Variants in FUT9 observed in about 807,000 individuals in gnomAD.
FUT9 encodes 4-galactosyl-N-acetylglucosaminide 3-alpha-L-fucosyltransferase 9.
In FUT9, 15 loss-of-function variants were observed where a neutral mutation model predicts 29.7. The observed-to-expected ratio is 0.51, with a 90% CI of 0.34 to 0.78. FUT9 has a LOEUF of 0.78. Ranked by LOEUF, FUT9 falls within the 30% of genes least tolerant of loss-of-function variation. The pLI, the probability that FUT9 is intolerant of heterozygous loss-of-function variation, is 0.01. For missense variants in FUT9, 319 were observed against 425.4 expected, an observed-to-expected ratio of 0.75 and a Z score of 2.20; for synonymous variants, 169 against 153.7, an observed-to-expected ratio of 1.10 and a Z score of -0.74.
intron 1 of FUT9, among the ~76,000 whole-genome samples, chr6:96,055,692 GT>G (rs1221666990): frequency 7.4e-6 from 1 of 135,818 alleles, no homozygotes; most frequent in Non-Finnish European, 1.6e-5. Flanking sequence ...TTTTGTTTTT[GT>G]TTTCTATTTC....
At chr6:96,102,559 G>C (rs1024870379) in intron 1 of FUT9, among the ~76,000 whole-genome samples, 7 of 152,078 alleles carry the variant, frequency 4.6e-5, no homozygotes, top group African/African-American at 1.7e-4. Context: ...TGGGCCATGA[G>C]TTCACTTTTG....
At chr6:96,180,098 T>C (rs1486423557) in intron 2 of FUT9, among the ~76,000 whole-genome samples, 2 of 152,152 alleles carry the variant, frequency 1.3e-5, no homozygotes, top group Non-Finnish European at 2.9e-5. Context: ...AGTTTATTAT[T>C]GCTACTGCTT....
intron 1 of FUT9, among the ~76,000 whole-genome samples, chr6:96,027,370 G>A (rs537675022): frequency 1.2e-3 from 181 of 151,742 alleles, no homozygotes; most frequent in Non-Finnish European, 2.2e-3. Flanking sequence ...GAGGTAGACT[G>A]AAGATGAATA....
rs1029105339 is a variant in FUT9, at chr6:96,204,417, G to A, written c.*182G>A. ...CTCAGCATGAGCAATCATTCCATTC[G>A]GTTTTAAATTATCCTGTATATACCT... On this transcript the variant is annotated 3_prime_UTR_variant, in exon 3 of 3. Transcript: ENST00000302103. The A allele has an allele frequency of 6.5e-5, 27 of 416,600 alleles. No individual in the cohort carries two copies. The highest frequency in any genetic ancestry group is 2.9e-4 in the African/African-American group (14 of 48,636). 25.8% of individuals were successfully genotyped at this position (416,600 alleles called of 1,614,324 possible).
Position 96,206,767 on chromosome 6 carries a change from G to C in FUT9, c.*2532G>C, listed in dbSNP as rs1219659306. 1 of 166,398 alleles carries C rather than the reference G, an allele frequency of 6.0e-6. No individual in the cohort carries two copies. Among genetic ancestry groups the C allele is most frequent in the Non-Finnish European group, 1.5e-5 (1 of 67,976 alleles). The allele number at this position is 166,398 out of a possible 1,614,324, so 10.3% of individuals were successfully genotyped here. ...ATGAGCCACTGTGTCTGGCCCACCT[G>C]TTTTTTTTGAAGGCAGAAAAACATT... On this transcript the variant is annotated 3_prime_UTR_variant, in exon 3 of 3. Coordinates refer to ENST00000302103, the MANE Select transcript of FUT9 (RefSeq NM_006581.4).
rs751272159 is a variant in FUT9, at chr6:96,209,934, C to T, written c.*5699C>T. 3.7e-4 allele frequency: 62 copies of T among 166,920 alleles called. No homozygotes were observed. The highest frequency in any genetic ancestry group is 3.4e-3 in the Middle Eastern group (1 of 296). 10.3% of individuals were successfully genotyped at this position (166,920 alleles called of 1,614,324 possible). On this transcript the variant is annotated 3_prime_UTR_variant, in exon 3 of 3. Transcript: ENST00000302103. ...GCTTTTAATACATTTCCAAAATTAT[C>T]CTGTTTCTGCTATAACTGGTGAACC...
chr6:96,136,658 C>T lies in FUT9; in HGVS notation c.-9+22531C>T, dbSNP rs145059288. Among the ~76,000 whole-genome samples the T allele has an allele frequency of 3.8e-3, 584 of 152,008 alleles. 4 individuals carry two copies. Among genetic ancestry groups the T allele is most frequent in the African/African-American group, 0.013 (555 of 41,528 alleles). On this transcript the variant is annotated intron_variant, in intron 2 of 2. Coordinates refer to ENST00000302103, the MANE Select transcript of FUT9 (RefSeq NM_006581.4). Reference sequence around the variant, plus strand: ...ATATCATGCTTAGGAATATCTTCTTCACAGCATTTGTATGTTATCACAATG... The same window carrying T: ...ATATCATGCTTAGGAATATCTTCTTTACAGCATTTGTATGTTATCACAATG...
chr6:96,130,408 A>C (rs1002941057), intron 2 of FUT9, among the ~76,000 whole-genome samples: 1 of 152,132 alleles, frequency 6.6e-6, no homozygotes, highest in Non-Finnish European at 1.5e-5. Context: ...TTCTCTCCCC[A>C]CCATCATCTT....
In FUT9 at chr6:96,212,227, G is replaced by C; in HGVS notation, c.*7992G>C. Reference sequence around the variant, plus strand: ...AGATTGGCCTCATTAGCCACCTTCAGTTCCTTAAATGAGATAATCCTGAAG... The same window carrying C: ...AGATTGGCCTCATTAGCCACCTTCACTTCCTTAAATGAGATAATCCTGAAG... On this transcript the variant is annotated 3_prime_UTR_variant, in exon 3 of 3. Coordinates refer to ENST00000302103, the MANE Select transcript of FUT9 (RefSeq NM_006581.4). 1 of 412,700 alleles carries C rather than the reference G, an allele frequency of 2.4e-6. No homozygotes were observed. The allele number at this position is 412,700 out of a possible 1,614,324, so 25.6% of individuals were successfully genotyped here. A position where few individuals can be genotyped will look rare whatever the true frequency, so the allele number is the denominator to read the frequency against.
Position 96,102,173 on chromosome 6 carries a change from G to A in FUT9, c.-97-11866G>A, listed in dbSNP as rs144150815. ...TAGGTAACAATGTTATTGAGAGATC[G>A]TTGTTTATTTCTTAAAAATTATGTG... On this transcript the variant is annotated intron_variant, in intron 1 of 2. Transcript: ENST00000302103. Among the ~76,000 whole-genome samples, 284 of 151,924 alleles carry A rather than the reference G, an allele frequency of 1.9e-3. 1 individual carries two copies. The highest frequency in any genetic ancestry group is 5.9e-3 in the African/African-American group (245 of 41,502).
intron 2 of FUT9, among the ~76,000 whole-genome samples, chr6:96,124,225 C>A (rs1772089270): frequency 6.8e-6 from 1 of 147,792 alleles, no homozygotes; most frequent in African/African-American, 2.5e-5. Context: ...AATCTCAGCT[C>A]ACTGCAAGCT....
chr6:96,050,877 T>C (rs1381481411), intron 1 of FUT9, among the ~76,000 whole-genome samples: 1 of 152,190 alleles, frequency 6.6e-6, no homozygotes, highest in African/African-American at 2.4e-5. Flanking sequence ...CTACTTCTAA[T>C]TACTTAACGT....
chr6:96,076,669 T>C (rs1421887796), intron 1 of FUT9, among the ~76,000 whole-genome samples: 2 of 152,174 alleles, frequency 1.3e-5, no homozygotes, highest in African/African-American at 2.4e-5. Flanking sequence ...GTTTGATATA[T>C]AGAAATATAA....
At chr6:96,031,054 T>C (rs1562101369) in intron 1 of FUT9, among the ~76,000 whole-genome samples, 1 of 151,472 alleles carries the variant, frequency 6.6e-6, no homozygotes, top group Non-Finnish European at 1.5e-5. Flanking sequence ...CTTGCCACTT[T>C]AAAAAGATTA....
intron 2 of FUT9, among the ~76,000 whole-genome samples, chr6:96,124,566 C>T (rs1207396129): frequency 3.3e-5 from 5 of 150,656 alleles, no homozygotes; most frequent in African/African-American, 1.2e-4. Flanking sequence ...AAATTGTGTT[C>T]TTACTTGCTT....
intron 1 of FUT9, among the ~76,000 whole-genome samples, chr6:96,088,806 C>T (rs1396397327): frequency 1.5e-5 from 2 of 132,326 alleles, no homozygotes; most frequent in South Asian, 2.6e-4. Context: ...CTTATTTTTC[C>T]AATTCCTTGC....
chr6:96,113,325 A>G (rs952556104), intron 1 of FUT9, among the ~76,000 whole-genome samples: 1 of 151,172 alleles, frequency 6.6e-6, no homozygotes, highest in South Asian at 2.1e-4. Flanking sequence ...TGCAACTTCC[A>G]TTTCCGAGGT....
At chr6:96,106,711 C>T in intron 1 of FUT9, among the ~76,000 whole-genome samples, 1 of 152,192 alleles carries the variant, frequency 6.6e-6, no homozygotes, top group Non-Finnish European at 1.5e-5. Flanking sequence ...AGCTCCCAGG[C>T]TACTGACTGG....
intron 2 of FUT9, among the ~76,000 whole-genome samples, chr6:96,131,869 T>C (rs1582256279): frequency 6.6e-6 from 1 of 152,056 alleles, no homozygotes; most frequent in Non-Finnish European, 1.5e-5. Context: ...GAAGGGGAGG[T>C]GATCTAAAAT....
Sources: allele counts gnomAD v4.1 joint callset (sites outside exome capture counted in the v4.1 genomes callset), GRCh38; gene constraint gnomAD v4.1.1; transcripts MANE v1.5; gene names NCBI Gene and HGNC (gene_info 2026-07-23, HGNC 2026-07-21).